Variants in HELQ observed in about 807,000 individuals in gnomAD.
The protein encoded by HELQ is helicase POLQ-like.
A neutral mutation model predicts 111.6 loss-of-function variants in HELQ; 77 were observed. The ratio of observed to expected loss-of-function variants is 0.69; its 90% CI spans 0.57 to 0.83. The LOEUF (loss-of-function observed/expected upper bound fraction) is 0.83. HELQ is among the 40% of genes least tolerant of loss of function. The pLI is 0.00. For missense variants in HELQ, 1,200 were observed against 1,288.5 expected (o/e 0.93, Z 1.05); for synonymous variants, 438 against 454.7 (o/e 0.96, Z 0.47).
chr4:83,451,506 C>CAA (rs56764890), intron 2 of HELQ, among the ~76,000 whole-genome samples: 20 of 147,890 alleles, frequency 1.4e-4, no homozygotes, highest in African/African-American at 4.9e-4. Context: ...ACTAAAAATA[C>CAA]AAAAAAAAAA....
chr4:83,416,383 T>A (rs1739359745), intron 17 of HELQ, among the ~76,000 whole-genome samples: 1 of 151,372 alleles, frequency 6.6e-6, no homozygotes, highest in Non-Finnish European at 1.5e-5. Flanking sequence ...CCACACCCAG[T>A]TAGTTTTTAA....
chr4:83,428,582 A>G (rs2109983792), intron 12 of HELQ, among the ~76,000 whole-genome samples: 1 of 152,120 alleles, frequency 6.6e-6, no homozygotes, highest in South Asian at 2.1e-4. Context: ...CAAACAAACC[A>G]ACCAAAACAA....
Position 83,427,706 on chromosome 4 carries a change from C to T in HELQ, c.2533G>A (p.Ala845Thr), listed in dbSNP as rs770983573. 2.6e-6 allele frequency: 4 copies of T among 1,550,812 alleles called. No individual in the cohort carries two copies. The South Asian group carries it at 3.7e-5, about 14-fold the overall frequency. ...RASFKGTIDLAYCDILYRDLK... is the reference protein window; with the variant it reads ...RASFKGTIDLTYCDILYRDLK... ...TCTCTGTACAGAATGTCACAATAAG[C>T]TAAATCTATAGTTCCTAAAAGAAAG... Residue 845 changes from alanine to threonine, a missense_variant, in exon 13 of 18, where the codon GCT (alanine) becomes ACT (threonine). Ala to Thr is a moderately conservative substitution (Grantham distance 58). This residue lies in a region of HELQ where 585 missense variants were observed against 665.3 expected (regional missense o/e 0.88). Coordinates refer to ENST00000295488, the MANE Select transcript of HELQ (RefSeq NM_133636.5).
intron 7 of HELQ, among the ~76,000 whole-genome samples, chr4:83,440,814 T>G (rs1056173860): frequency 2.6e-5 from 4 of 152,236 alleles, no homozygotes; most frequent in African/African-American, 9.6e-5. Flanking sequence ...TACTTTACAG[T>G]TTTGTTAATT....
At chr4:83,414,594 C>T (rs566936736) in intron 17 of HELQ, among the ~76,000 whole-genome samples, 1 of 152,188 alleles carries the variant, frequency 6.6e-6, no homozygotes, top group African/African-American at 2.4e-5. Flanking sequence ...AAATCTGAGG[C>T]CATTTGAGCA....
chr4:83,455,230 A>T, intron 1 of HELQ, 167 bp downstream of exon 1: 1 of 1,368,782 alleles, frequency 7.3e-7, no homozygotes, highest in Non-Finnish European at 9.7e-7. Context: ...TTTACATTTC[A>T]TATTTATATA....
intron 16 of HELQ, among the ~76,000 whole-genome samples, chr4:83,417,843 G>A (rs762361974): frequency 1.3e-5 from 2 of 151,896 alleles, no homozygotes; most frequent in Non-Finnish European, 2.9e-5. Flanking sequence ...CTTGGAGACA[G>A]TCACTCCCAC....
chr4:83,419,271 C>A (rs1428079796), intron 15 of HELQ, among the ~76,000 whole-genome samples: 1 of 150,996 alleles, frequency 6.6e-6, no homozygotes, highest in Non-Finnish European at 1.5e-5. Context: ...AGATTGAACA[C>A]CCCTGCCTTG....
In HELQ at chr4:83,431,761, T is replaced by A; in HGVS notation, c.2198A>T (p.Glu733Val). 1 of 1,450,426 alleles carries A rather than the reference T, an allele frequency of 6.9e-7. No homozygotes were observed. Among genetic ancestry groups the A allele is most frequent in the South Asian group, 1.4e-5 (1 of 70,306 alleles). 89.8% of individuals were successfully genotyped at this position (1,450,426 alleles called of 1,614,324 possible). ...LQEKDKQQVL[E>V]LITKPLENCY... is the part of the protein sequence containing the mutation. The stretch of plus-strand genomic sequence containing the variant: ...GTTTTCCAATGGTTTAGTTATTAAC[T>A]CCAATACCTATAAAGGTTAAAGCAA... Residue 733 changes from glutamate (E) to valine (V), a missense_variant, in exon 11 of 18, where the codon GAG becomes GTG. Physicochemically the swap from Glu to Val is moderately radical, Grantham distance 121. Coordinates refer to ENST00000295488, the MANE Select transcript of HELQ (RefSeq NM_133636.5).
chr4:83,455,354 G>A, intron 1 of HELQ, 43 bp downstream of exon 1: 7 of 1,593,000 alleles, frequency 4.4e-6, no homozygotes, highest in Non-Finnish European at 6.0e-6. Context: ...CATCTGGGAA[G>A]GATGCCAAAA....
intron 1 of HELQ, among the ~76,000 whole-genome samples, chr4:83,454,493 T>C (rs1302086908): frequency 6.6e-6 from 1 of 151,980 alleles, no homozygotes; most frequent in African/African-American, 2.4e-5. Flanking sequence ...CACTGCAGTC[T>C]TGACATCCTG....
intron 15 of HELQ, among the ~76,000 whole-genome samples, chr4:83,419,161 ATTTTTT>A (rs34131623): frequency 2.2e-5 from 3 of 135,806 alleles, no homozygotes; most frequent in African/African-American, 8.1e-5. Flanking sequence ...ACACCATGAG[ATTTTTT>A]TTTTTTTTTT....
chr4:83,454,108 CAGG>C (rs1467250073), intron 1 of HELQ, among the ~76,000 whole-genome samples, 163 bp from the exon 2 acceptor site: 5 of 152,160 alleles, frequency 3.3e-5, no homozygotes, highest in Non-Finnish European at 7.3e-5. Context: ...GAGGCTCAGG[CAGG>C]AGAATTGCTT....
At chr4:83,408,098 A>T (rs1035329985) in intron 17 of HELQ, among the ~76,000 whole-genome samples, 3 of 152,210 alleles carry the variant, frequency 2.0e-5, no homozygotes, top group African/African-American at 7.2e-5. Context: ...AATTTTTACC[A>T]AATAATAAGC....
rs1034393733 is a variant in HELQ at position 83,412,019 on chromosome 4, G to C, written c.3199-4459C>G. On this transcript the variant is annotated intron_variant, in intron 17 of 17. Coordinates refer to ENST00000295488, the MANE Select transcript of HELQ (RefSeq NM_133636.5). ...GAAAGCTACCTAGCAGCAAACATGG[G>C]TTTATTGCTTATGGAAAAGGGAGAA... is the stretch of plus-strand genomic sequence containing the variant. 2.0e-5 allele frequency among the ~76,000 whole-genome samples: 3 copies of C among 152,090 alleles called. No homozygotes were observed. The East Asian group carries it at 5.8e-4, about 29-fold the overall frequency.
At chr4:83,421,510 C>G (rs1045416741) in intron 15 of HELQ, 53 bp downstream of exon 15, 1 of 1,367,300 alleles carries the variant, frequency 7.3e-7, no homozygotes, top group South Asian at 1.3e-5. Context: ...AGTTTAGTAA[C>G]AGTTAAAACC....
chr4:83,452,767 A>G (rs1445795962), intron 2 of HELQ, among the ~76,000 whole-genome samples: 1 of 152,244 alleles, frequency 6.6e-6, no homozygotes, highest in Non-Finnish European at 1.5e-5. Flanking sequence ...AAACATTAAA[A>G]GTAACACTGT....
At chr4:83,409,553 C>CA (rs34988490) in intron 17 of HELQ, among the ~76,000 whole-genome samples, 7,526 of 143,492 alleles carry the variant, frequency 0.052, 241 homozygotes, top group Non-Finnish European at 0.075. Flanking sequence ...TACTCTGTCT[C>CA]AAAAAAAAAA....
chr4:83,442,260 ATT>A (rs70949710), intron 6 of HELQ, among the ~76,000 whole-genome samples: 969 of 82,020 alleles, frequency 0.012, 5 homozygotes, highest in African/African-American at 0.047. Context: ...AAAAACATCA[ATT>A]TTTTTTTTTT....
Sources: gnomAD v4.1 joint callset for allele counts (sites outside exome capture counted in the v4.1 genomes callset) on GRCh38, gnomAD v4.1.1 for gene constraint, gnomAD v4.1.1 regional missense constraint, MANE v1.5 for transcripts, NCBI Gene and HGNC (gene_info 2026-07-23, HGNC 2026-07-21) for gene names.